The following DHRS11 variants were observed in gnomAD, a reference collection of about 807,000 sequenced individuals.
DHRS11 encodes dehydrogenase/reductase SDR family member 11.
In DHRS11, 18 loss-of-function variants were observed where a neutral mutation model predicts 30.7. That is an observed-to-expected ratio of 0.59 (90% confidence interval 0.41 to 0.87). DHRS11 has a LOEUF of 0.87. Ranked by LOEUF, DHRS11 falls within the 40% of genes least tolerant of loss-of-function variation. The probability of loss-of-function intolerance (pLI) is 0.00; values close to 1 mark genes in which losing one functional copy is unlikely to be tolerated. For missense variants in DHRS11, 300 were observed against 349.0 expected, an observed-to-expected ratio of 0.86 and a Z score of 1.12; for synonymous variants, 123 against 139.6, an observed-to-expected ratio of 0.88 and a Z score of 0.84.
At chr17:36,598,582 G>T in intron 3 of DHRS11, 4 of 501,850 alleles carry the variant, frequency 8.0e-6, no homozygotes, top group Non-Finnish European at 1.4e-5. Context: ...GGGAGCCCCA[G>T]TCTGAGGGGG....
At position 36,599,883 on chromosome 17, in the gene DHRS11, A is replaced by T. The variant is rs574039520; in HGVS notation, c.676-89A>T. On this transcript the variant is annotated intron_variant, in intron 5 of 6. Transcript: ENST00000618403. ...GGCTCCTCCTGGAGGGTTGGGGTGG[A>T]TGTGTGGATGCCACAGAGAAGCTCA... 2.1e-5 allele frequency: 33 copies of T among 1,581,330 alleles called. No individual in the cohort carries two copies. The African/African-American group carries it at 4.0e-4, about 19-fold the overall frequency.
Position 36,592,177 on chromosome 17 carries a change from G to T in DHRS11, c.147+21G>T. The T allele has an allele frequency of 7.9e-7, 1 of 1,264,528 alleles. No homozygotes were observed. Among genetic ancestry groups the T allele is most frequent in the East Asian group, 3.0e-5 (1 of 33,574 alleles). 78.3% of individuals were successfully genotyped at this position (1,264,528 alleles called of 1,614,324 possible). ...TCGAGGTGAGGCCGGGCCGAGGGCG[G>T]GGACGTCGCGGGCGGGTCGTTTCCC... On this transcript the variant is annotated intron_variant, in intron 1 of 6. Transcript: ENST00000618403. The surrounding 1 kb of genome is among the most constrained non-coding windows in gnomAD (Gnocchi z 4.4).
Position 36,591,904 on chromosome 17 carries a change from A to T in DHRS11, c.-106A>T. 1 of 1,151,038 alleles carries T rather than the reference A, an allele frequency of 8.7e-7. No individual in the cohort carries two copies. Among genetic ancestry groups the T allele is most frequent in the Non-Finnish European group, 1.1e-6 (1 of 921,062 alleles). 71.3% of individuals were successfully genotyped at this position (1,151,038 alleles called of 1,614,324 possible). A position where few individuals can be genotyped will look rare whatever the true frequency, so the allele number is the denominator to read the frequency against. ...GGGACTCTGGTGGGTCTAGGCGCGG[A>T]TCGGACCCAAGCAGGTCGGCGGCGG... is the stretch of plus-strand genomic sequence containing the variant. On this transcript the variant is annotated 5_prime_UTR_variant, in exon 1 of 7. Coordinates refer to ENST00000618403, the MANE Select transcript of DHRS11 (RefSeq NM_024308.4).
chr17:36,599,950 C>T, intron 5 of DHRS11, 22 bp from the exon 6 acceptor site: 1 of 1,612,986 alleles, frequency 6.2e-7, no homozygotes, highest in Admixed American at 1.7e-5. Context: ...CTTGTCTCAA[C>T]CCATTCCCCT....
rs762338767 is a variant in DHRS11, at chr17:36,600,139, C to T, written c.742-23C>T. On this transcript the variant is annotated intron_variant, in intron 6 of 6. Transcript: ENST00000618403. ...GGCCAGGGGAGAGTGTCACAGCTGC[C>T]TCATGCCTTGTACCTTCCACAGATT... 7 of 1,608,558 alleles carry T rather than the reference C, an allele frequency of 4.4e-6. No individual in the cohort carries two copies. The Admixed American group carries it at 1.0e-4, about 23-fold the overall frequency.
In DHRS11 at chr17:36,591,890, G is replaced by T. The variant is rs960591719; in HGVS notation, c.-120G>T. 1.1e-5 allele frequency: 12 copies of T among 1,066,188 alleles called. No homozygotes were observed. The Admixed American group carries it at 5.3e-4, about 47-fold the overall frequency. The allele number at this position is 1,066,188 out of a possible 1,614,324, so 66.0% of individuals were successfully genotyped here. ...GCCGGAGGCAGGCCGGGACTCTGGT[G>T]GGTCTAGGCGCGGATCGGACCCAAG... is the stretch of plus-strand genomic sequence containing the variant. On this transcript the variant is annotated 5_prime_UTR_variant, in exon 1 of 7. Transcript: ENST00000618403.
At chr17:36,595,258 G>C in intron 2 of DHRS11, 78 bp downstream of exon 2, 1 of 1,537,214 alleles carries the variant, frequency 6.5e-7, no homozygotes, top group Non-Finnish European at 8.9e-7. Context: ...GAACCAGAGT[G>C]CTGCTGGGGA....
At chr17:36,596,025 T>G (rs941726258) in intron 2 of DHRS11, among the ~76,000 whole-genome samples, 1 of 152,084 alleles carries the variant, frequency 6.6e-6, no homozygotes, top group Non-Finnish European at 1.5e-5. Context: ...CAATGTCCCC[T>G]GGGGCCAGGT....
rs2074853454 is a variant in DHRS11, at chr17:36,600,688, C to T, written c.*485C>T. ...TCTCGGCTCCCCAGCCCAGTCTTGG[C>T]TTCTTGTCCCCTCCTGGGGTCATCC... On this transcript the variant is annotated 3_prime_UTR_variant, in exon 7 of 7. Coordinates refer to ENST00000618403, the MANE Select transcript of DHRS11 (RefSeq NM_024308.4). 1 of 202,310 alleles carries T rather than the reference C, an allele frequency of 4.9e-6. No homozygotes were observed. Among genetic ancestry groups the T allele is most frequent in the Non-Finnish European group, 1.0e-5 (1 of 98,412 alleles). The allele number at this position is 202,310 out of a possible 1,614,324, so 12.5% of individuals were successfully genotyped here.
intron 6 of DHRS11, 26 bp from the exon 7 acceptor site, chr17:36,600,136 T>G: frequency 6.2e-7 from 1 of 1,610,658 alleles, no homozygotes; most frequent in Non-Finnish European, 8.5e-7. Context: ...GTGTCACAGC[T>G]GCCTCATGCC....
At chr17:36,598,842 C>G (rs1363785398) in intron 3 of DHRS11, 79 bp from the exon 4 acceptor site, 1 of 1,534,928 alleles carries the variant, frequency 6.5e-7, no homozygotes, top group Non-Finnish European at 8.8e-7. Context: ...GGTGGTGGGG[C>G]TGACCGGGTA....
Position 36,594,931 on chromosome 17 carries a change from G to C in DHRS11, c.148-40G>C, listed in dbSNP as rs2285638. 5.3e-4 allele frequency: 858 copies of C among 1,610,020 alleles called. 8 individuals carry two copies. In the East Asian group the frequency reaches 0.016, roughly 29 times the overall value. ...AGGCTGGCTAGGGAGCCGTGGGAGT[G>C]AGCTGCTCACCCCAGTCAGACCCCT... On this transcript the variant is annotated intron_variant, in intron 1 of 6. Transcript: ENST00000618403.
chr17:36,596,022 C>T (rs1286406012), intron 2 of DHRS11, among the ~76,000 whole-genome samples: 1 of 152,212 alleles, frequency 6.6e-6, no homozygotes, highest in East Asian at 1.9e-4. Context: ...CTCCAATGTC[C>T]CCTGGGGCCA....
intron 2 of DHRS11, among the ~76,000 whole-genome samples, chr17:36,595,993 T>C (rs908864557): frequency 6.6e-6 from 1 of 152,082 alleles, no homozygotes; most frequent in African/African-American, 2.4e-5. Flanking sequence ...ACCTCTATCA[T>C]CAATATCTGG....
intron 2 of DHRS11, chr17:36,596,856 C>T (rs1163518780): frequency 2.1e-6 from 1 of 470,788 alleles, no homozygotes; most frequent in Admixed American, 2.4e-5. Context: ...GATGCTTGGG[C>T]CTGGAAATGA....
Position 36,600,251 on chromosome 17 carries a change from C to T in DHRS11, c.*48C>T, listed in dbSNP as rs2074849017. ...CCTCCCCACCCTTCATGGCTTGCCT[C>T]CTGCCTCTGGATTTTAGGTGTTGAT... On this transcript the variant is annotated 3_prime_UTR_variant, in exon 7 of 7. Coordinates refer to ENST00000618403, the MANE Select transcript of DHRS11 (RefSeq NM_024308.4). 3 of 1,611,834 alleles carry T rather than the reference C, an allele frequency of 1.9e-6. No individual in the cohort carries two copies. The African/African-American group carries it at 4.0e-5, about 21-fold the overall frequency.
chr17:36,598,648 C>T, intron 3 of DHRS11: 1 of 527,360 alleles, frequency 1.9e-6, no homozygotes, highest in Non-Finnish European at 3.4e-6. Flanking sequence ...AGTGAACATA[C>T]AGATTAGATG....
intron 2 of DHRS11, chr17:36,597,758 C>T (rs941361009): frequency 6.9e-6 from 2 of 289,912 alleles, no homozygotes; most frequent in Admixed American, 1.1e-4. Flanking sequence ...GGAGCAGGGC[C>T]AGAGACTGTC....
chr17:36,597,963 C>A, intron 2 of DHRS11, 200 bp from the exon 3 acceptor site: 1 of 616,280 alleles, frequency 1.6e-6, no homozygotes, highest in South Asian at 1.9e-5. Context: ...CCTCTGTTAT[C>A]AACTGGGGGT....
Sources: allele counts gnomAD v4.1 joint callset (sites outside exome capture counted in the v4.1 genomes callset), GRCh38; gene constraint gnomAD v4.1.1; non-coding constraint Gnocchi (gnomAD v3.1); transcripts MANE v1.5; gene names NCBI Gene and HGNC (gene_info 2026-07-23, HGNC 2026-07-21).